Variants in SEC61A1 observed in about 807,000 individuals in gnomAD.
SEC61A1 encodes protein transport protein Sec61 subunit alpha isoform 1.
SEC61A1 carries 15 observed loss-of-function variants against 55.2 expected under a neutral mutation model. The observed-to-expected ratio is 0.27, with a 90% CI of 0.18 to 0.42. The LOEUF is 0.42. Ranked by LOEUF, SEC61A1 falls within the 10% of genes least tolerant of loss-of-function variation. The pLI is 1.00. For missense variants in SEC61A1, 284 were observed against 602.6 expected (o/e 0.47, Z 5.53); for synonymous variants, 247 against 234.0 (o/e 1.06, Z -0.51).
intron 7 of SEC61A1, among the ~76,000 whole-genome samples, chr3:128,064,528 C>G (rs1410461348): frequency 1.3e-5 from 2 of 151,930 alleles, no homozygotes; most frequent in African/African-American, 2.4e-5. Context: ...GCCTATAGTC[C>G]CAGCTATTCG....
chr3:128,069,280 C>T (rs1311622493), intron 11 of SEC61A1, among the ~76,000 whole-genome samples, 196 bp from the exon 12 acceptor site: 1 of 152,240 alleles, frequency 6.6e-6, no homozygotes, highest in African/African-American at 2.4e-5. Flanking sequence ...CCCCTGGCCA[C>T]GTGTGGCCAG....
upstream of SEC61A1, among the ~76,000 whole-genome samples, chr3:128,052,140 G>C (rs1329894906): frequency 6.6e-6 from 1 of 152,090 alleles, no homozygotes; most frequent in African/African-American, 2.4e-5. Context: ...CAGTTTCTCC[G>C]TGAGGCCGCA....
chr3:128,067,006 A>C lies in SEC61A1; in HGVS notation c.830A>C (p.Asn277Thr). ...IKSARYRGQY[N>T]TYPIKLFYTS... The stretch of plus-strand genomic sequence containing the variant: ...TCGGCCCGCTACCGTGGCCAGTACA[A>C]CACCTATCCCATCAAGCTCTTCTAT... Residue 277 changes from asparagine to threonine, a missense_variant, in exon 9 of 12, where the codon AAC becomes ACC. Asn to Thr is a moderately conservative substitution (Grantham distance 65). Transcript: ENST00000243253. This position sits in a 1 kb window ranked among gnomAD's most constrained non-coding sequence, Gnocchi z 4.1. 2.5e-6 allele frequency: 4 copies of C among 1,614,174 alleles called. No homozygotes were observed. Among genetic ancestry groups the C allele is most frequent in the African/African-American group, 2.7e-5 (2 of 75,040 alleles).
intron 11 of SEC61A1, 46 bp downstream of exon 11, chr3:128,068,105 G>A: frequency 6.6e-7 from 1 of 1,513,660 alleles, no homozygotes; most frequent in South Asian, 1.1e-5. Context: ...GTGGACATGT[G>A]TTGTTTCTTT....
At chr3:128,062,411 C>G (rs1272564990) in intron 7 of SEC61A1, among the ~76,000 whole-genome samples, 3 of 152,246 alleles carry the variant, frequency 2.0e-5, no homozygotes, top group South Asian at 2.1e-4. Flanking sequence ...ACAGTAATCA[C>G]TGCTGCTTCC....
At chr3:128,056,312 C>T (rs1941769425) in intron 4 of SEC61A1, among the ~76,000 whole-genome samples, 1 of 152,140 alleles carries the variant, frequency 6.6e-6, no homozygotes, top group African/African-American at 2.4e-5. Flanking sequence ...GAAGTAGAGG[C>T]TTATTCACAA....
chr3:128,069,467 C>T lies in SEC61A1; in HGVS notation c.1245-9C>T. On this transcript the variant is annotated splice_polypyrimidine_tract_variant and intron_variant, in intron 11 of 11. Coordinates refer to ENST00000243253, the MANE Select transcript of SEC61A1 (RefSeq NM_013336.4). ...GGTGTCCAGGAGCTGACTGTGTCCC[C>T]TCCCCCAGGTACATCCCCACAGCCG... 1 of 1,607,968 alleles carries T rather than the reference C, an allele frequency of 6.2e-7. No homozygotes were observed. Among genetic ancestry groups the T allele is most frequent in the Non-Finnish European group, 8.5e-7 (1 of 1,179,232 alleles).
chr3:128,069,891 C>T lies in SEC61A1; in HGVS notation c.*229C>T. ...AAGTGAAATTTTATTCAGCCGACTG[C>T]CAGAGAAGTGGGAATGGTATAGGAT... On this transcript the variant is annotated 3_prime_UTR_variant, in exon 12 of 12. Coordinates refer to ENST00000243253, the MANE Select transcript of SEC61A1 (RefSeq NM_013336.4). 3.7e-6 allele frequency: 2 copies of T among 534,726 alleles called. No homozygotes were observed. Among genetic ancestry groups the T allele is most frequent in the Non-Finnish European group, 6.7e-6 (2 of 300,362 alleles). The allele number at this position is 534,726 out of a possible 1,614,324, so 33.1% of individuals were successfully genotyped here. A position where few individuals can be genotyped will look rare whatever the true frequency, so the allele number is the denominator to read the frequency against.
chr3:128,060,457 A>G (rs1322591063), intron 6 of SEC61A1, 51 bp from the exon 7 acceptor site: 1 of 1,589,330 alleles, frequency 6.3e-7, no homozygotes, highest in Non-Finnish European at 8.6e-7. Flanking sequence ...GGACGGAACC[A>G]TGTCCGTGGG....
rs557238019 is a variant in SEC61A1 at position 128,068,067 on chromosome 3, G to A, written c.1244+8G>A. The stretch of plus-strand genomic sequence containing the variant: ...GGTCCATGAACTCAACCGGTGAGTG[G>A]TGGCCCCAGGTCCCCAACCTCCCGT... On this transcript the variant is annotated splice_region_variant and intron_variant, in intron 11 of 11. Transcript: ENST00000243253. The A allele has an allele frequency of 3.4e-4, 545 of 1,611,970 alleles. 9 individuals carry two copies. In the South Asian group the frequency reaches 5.8e-3, roughly 17 times the overall value.
At chr3:128,057,809 G>A (rs536394971) in intron 5 of SEC61A1, among the ~76,000 whole-genome samples, 5 of 149,170 alleles carry the variant, frequency 3.4e-5, no homozygotes, top group African/African-American at 5.0e-5. Flanking sequence ...GCAGTGAGCC[G>A]AGATAAAGCC....
At chr3:128,052,645 A>G in intron 1 of SEC61A1, 86 bp downstream of exon 1, 1 of 1,550,446 alleles carries the variant, frequency 6.4e-7, no homozygotes, top group Non-Finnish European at 8.7e-7. Context: ...CCCGCCGGCC[A>G]ACCCTGACCG....
chr3:128,071,528 C>A lies in SEC61A1; in HGVS notation c.*1866C>A, dbSNP rs1027962644. 1 of 152,676 alleles carries A rather than the reference C, an allele frequency of 6.5e-6. No homozygotes were observed. Among genetic ancestry groups the A allele is most frequent in the East Asian group, 1.9e-4 (1 of 5,172 alleles). The allele number at this position is 152,676 out of a possible 1,614,324, so 9.5% of individuals were successfully genotyped here. ...CTGCAGCCTGTAACCATCGGCTGGGCCCTGCAAGGCCCACACTCACGCCCT... is the reference window on the plus strand; with the variant it reads ...CTGCAGCCTGTAACCATCGGCTGGGACCTGCAAGGCCCACACTCACGCCCT... On this transcript the variant is annotated 3_prime_UTR_variant, in exon 12 of 12. Coordinates refer to ENST00000243253, the MANE Select transcript of SEC61A1 (RefSeq NM_013336.4).
rs1240897761 is a variant in SEC61A1 at position 128,067,718 on chromosome 3, A to G, written c.1167+106A>G. The G allele has an allele frequency of 2.1e-6, 2 of 949,932 alleles. No homozygotes were observed. The highest frequency in any genetic ancestry group is 3.3e-5 in the African/African-American group (2 of 61,032). The allele number at this position is 949,932 out of a possible 1,614,324, so 58.8% of individuals were successfully genotyped here. A position where few individuals can be genotyped will look rare whatever the true frequency, so the allele number is the denominator to read the frequency against. On this transcript the variant is annotated intron_variant, in intron 10 of 11. Coordinates refer to ENST00000243253, the MANE Select transcript of SEC61A1 (RefSeq NM_013336.4). This position sits in a 1 kb window ranked among gnomAD's most constrained non-coding sequence, Gnocchi z 4.1. ...ATAATGGTCTGTGACGTGTGCAGAT[A>G]GATCGTCGTCCTTTAGGGGGCAGTT...
intron 8 of SEC61A1, among the ~76,000 whole-genome samples, chr3:128,066,066 C>A (rs1039961074): frequency 1.3e-5 from 2 of 152,076 alleles, no homozygotes; most frequent in Admixed American, 6.5e-5. Flanking sequence ...TTTAAATCCT[C>A]TGTATTCCGA....
chr3:128,052,302 G>C (rs374071831), upstream of SEC61A1: 168 of 305,866 alleles, frequency 5.5e-4, 1 homozygote, highest in East Asian at 0.019. Flanking sequence ...CGGGGCTTGA[G>C]GTCTCGGCGA....
Position 128,055,700 on chromosome 3 carries a change from G to A in SEC61A1, c.169G>A (p.Asp57Asn). ...QIPLFGIMSS[D>N]SADPFYWMRV... ...TCCCCTGTTTGGGATCATGTCTTCAGATTCAGCTGACCCTTTCTATTGGAT... is the reference window on the plus strand; with the variant it reads ...TCCCCTGTTTGGGATCATGTCTTCAAATTCAGCTGACCCTTTCTATTGGAT... The change falls in exon 4 of 12, where the codon GAT (aspartate) becomes AAT (asparagine). Residue 57 changes from aspartate (D) to asparagine (N), a missense_variant. By Grantham distance (23) the Asp-to-Asn change is conservative. Transcript: ENST00000243253. 6.2e-7 allele frequency: 1 copy of A among 1,614,180 alleles called. No homozygotes were observed.
chr3:128,051,795 C>T, upstream of SEC61A1: 4 of 1,532,812 alleles, frequency 2.6e-6, no homozygotes, highest in Admixed American at 5.9e-5. Context: ...CTGCCCCGGC[C>T]CTTCTCCGGC....
rs560994188 is a variant in SEC61A1 at position 128,065,543 on chromosome 3, T to C, written c.777+506T>C. ...GATTGATCTTTGTATTTTTTGATGG[T>C]CCACTTTGTATTTTGGTGTTTATTT... On this transcript the variant is annotated intron_variant, in intron 8 of 11. Transcript: ENST00000243253. 7.9e-5 allele frequency among the ~76,000 whole-genome samples: 12 copies of C among 152,260 alleles called. No individual in the cohort carries two copies. The South Asian group carries it at 2.3e-3, about 29-fold the overall frequency.
Sources: gnomAD v4.1 joint callset for allele counts (sites outside exome capture counted in the v4.1 genomes callset) on GRCh38, gnomAD v4.1.1 for gene constraint, Gnocchi (gnomAD v3.1) non-coding constraint, MANE v1.5 for transcripts, NCBI Gene and HGNC (gene_info 2026-07-23, HGNC 2026-07-21) for gene names.